Variants in TNIK observed in about 807,000 individuals in gnomAD.
TNIK encodes the protein TRAF2 and NCK-interacting protein kinase.
A neutral mutation model predicts 191.3 loss-of-function variants in TNIK; 49 were observed. The ratio of observed to expected loss-of-function variants is 0.26; its 90% CI spans 0.20 to 0.32. The LOEUF (loss-of-function observed/expected upper bound fraction) is 0.32. TNIK is among the 10% of genes least tolerant of loss of function. TNIK has a pLI of 1.00. For missense variants in TNIK, 1,155 were observed against 1,702.3 expected, an observed-to-expected ratio of 0.68 and a Z score of 5.66; for synonymous variants, 594 against 600.9, an observed-to-expected ratio of 0.99 and a Z score of 0.17.
intron 7 of TNIK, among the ~76,000 whole-genome samples, chr3:171,182,659 A>G (rs1027584525): frequency 6.6e-6 from 1 of 152,206 alleles, no homozygotes; most frequent in Non-Finnish European, 1.5e-5. Flanking sequence ...GCTGCTGGAA[A>G]GGGTGGGAGT....
At chr3:171,101,331 G>A (rs756269388) in intron 22 of TNIK, 118 bp downstream of exon 22, 4 of 1,190,380 alleles carry the variant, frequency 3.4e-6, no homozygotes, top group South Asian at 3.5e-5. Context: ...AGTCCCGAAA[G>A]TCAATTTATC....
At chr3:171,227,245 A>C (rs1743076569) in intron 3 of TNIK, among the ~76,000 whole-genome samples, 1 of 152,192 alleles carries the variant, frequency 6.6e-6, no homozygotes, top group South Asian at 2.1e-4. Context: ...TTAAAATAAA[A>C]TCTATTTCTT....
intron 2 of TNIK, among the ~76,000 whole-genome samples, chr3:171,329,353 A>G (rs1029076772): frequency 4.0e-5 from 5 of 125,770 alleles, no homozygotes; most frequent in African/African-American, 1.5e-4. Flanking sequence ...TCCCACTAAT[A>G]TATATCAAAA....
chr3:171,395,315 T>C (rs980613117), intron 1 of TNIK, among the ~76,000 whole-genome samples: 18 of 152,190 alleles, frequency 1.2e-4, no homozygotes, highest in African/African-American at 4.1e-4. Context: ...CCTTTTGTCA[T>C]CAGTAAAACA....
At chr3:171,328,406 C>T (rs912127535) in intron 2 of TNIK, among the ~76,000 whole-genome samples, 12 of 152,186 alleles carry the variant, frequency 7.9e-5, no homozygotes, top group Admixed American at 1.3e-4. Context: ...GATTCGCCTG[C>T]GTGGGGCTAC....
At chr3:171,333,792 C>A (rs138857164) in intron 2 of TNIK, among the ~76,000 whole-genome samples, 7 of 152,328 alleles carry the variant, frequency 4.6e-5, no homozygotes, top group East Asian at 3.9e-4. Context: ...AGATAGTAAC[C>A]TTTCCCTTTC....
intron 25 of TNIK, 127 bp from the exon 26 acceptor site, chr3:171,084,452 C>G: frequency 9.0e-7 from 1 of 1,113,124 alleles, no homozygotes; most frequent in Non-Finnish European, 1.3e-6. Flanking sequence ...AACTCTGAAA[C>G]TCTCCTTATT....
intron 1 of TNIK, among the ~76,000 whole-genome samples, chr3:171,421,645 C>T (rs868338641): frequency 2.6e-5 from 4 of 151,598 alleles, no homozygotes; most frequent in South Asian, 4.2e-4. Context: ...ATGCTAACCT[C>T]GGAGCCAGGC....
At chr3:171,286,435 G>T (rs143683678) in intron 2 of TNIK, among the ~76,000 whole-genome samples, 1 of 152,226 alleles carries the variant, frequency 6.6e-6, no homozygotes, top group Non-Finnish European at 1.5e-5. Flanking sequence ...AGTATATATT[G>T]TACAGCCTGG....
At chr3:171,441,010 G>T (rs550609360) in intron 1 of TNIK, among the ~76,000 whole-genome samples, 4 of 152,222 alleles carry the variant, frequency 2.6e-5, no homozygotes, top group African/African-American at 9.6e-5. Context: ...TATGACAAGC[G>T]CTTCAGAATA....
chr3:171,140,484 C>T lies in TNIK; in HGVS notation c.1247G>A (p.Arg416Gln), dbSNP rs775532630. 23 of 1,613,328 alleles carry T rather than the reference C, an allele frequency of 1.4e-5. No homozygotes were observed. The highest frequency in any genetic ancestry group is 1.9e-5 in the Non-Finnish European group (23 of 1,179,730). The change falls in exon 13 of 33, where the codon CGG becomes CAG. Residue 416 changes from arginine (R) to glutamine (Q), a missense_variant. Arg to Gln is a conservative substitution (Grantham distance 43). Transcript: ENST00000436636. ...EEQQRREKELRKQQEREQRRH... is the reference protein window; with the variant it reads ...EEQQRREKELQKQQEREQRRH... Reference sequence around the variant, plus strand: ...GCGCTGCTCCCTCTCCTGCTGCTTCCGCAGCTCCTTCTCTCGCCTTTGTTG... The same window carrying T: ...GCGCTGCTCCCTCTCCTGCTGCTTCTGCAGCTCCTTCTCTCGCCTTTGTTG...
chr3:171,336,183 C>A (rs975888170), intron 2 of TNIK, among the ~76,000 whole-genome samples: 1 of 152,144 alleles, frequency 6.6e-6, no homozygotes, highest in Non-Finnish European at 1.5e-5. Flanking sequence ...TCAAAACTAA[C>A]AAAATGGGTT....
At chr3:171,280,806 T>C (rs1215004879) in intron 2 of TNIK, among the ~76,000 whole-genome samples, 2 of 152,200 alleles carry the variant, frequency 1.3e-5, no homozygotes, top group African/African-American at 4.8e-5. Context: ...ACTATCCTGT[T>C]ACCATAAATC....
chr3:171,300,475 T>A (rs1442105167), intron 2 of TNIK, among the ~76,000 whole-genome samples: 2 of 152,144 alleles, frequency 1.3e-5, no homozygotes, highest in Non-Finnish European at 2.9e-5. Flanking sequence ...AAGGAGAACA[T>A]CCTTTCCTTA....
chr3:171,362,303 TG>T (rs928499678), intron 2 of TNIK, among the ~76,000 whole-genome samples: 1 of 152,194 alleles, frequency 6.6e-6, no homozygotes, highest in African/African-American at 2.4e-5. Context: ...TGTATTAGGT[TG>T]GCACAAAAGT....
intron 2 of TNIK, among the ~76,000 whole-genome samples, chr3:171,238,049 T>C (rs994743916): frequency 6.6e-6 from 1 of 152,154 alleles, no homozygotes; most frequent in African/African-American, 2.4e-5. Flanking sequence ...GCTGAAAATA[T>C]CTCTCCCCCT....
In TNIK at chr3:171,191,399, C is replaced by T. The variant is rs547327444; in HGVS notation, c.418-612G>A. 1.4e-4 allele frequency among the ~76,000 whole-genome samples: 21 copies of T among 152,206 alleles called. No individual in the cohort carries two copies. In the East Asian group the frequency reaches 3.7e-3, roughly 27 times the overall value. ...CTGGGATTACAGGTGCCTGCCACCA[C>T]GCCAGGCTAATTTATTTTAGTACAG... On this transcript the variant is annotated intron_variant, in intron 5 of 32. Coordinates refer to ENST00000436636, the MANE Select transcript of TNIK (RefSeq NM_015028.4).
At chr3:171,173,671 G>A (rs569893164) in intron 9 of TNIK, among the ~76,000 whole-genome samples, 1 of 152,250 alleles carries the variant, frequency 6.6e-6, no homozygotes, top group East Asian at 1.9e-4. Flanking sequence ...TAGTGTGACA[G>A]CCAAATACAT....
intron 1 of TNIK, among the ~76,000 whole-genome samples, chr3:171,410,114 T>A (rs1209410711): frequency 6.6e-6 from 1 of 152,164 alleles, no homozygotes; most frequent in Non-Finnish European, 1.5e-5. Context: ...AGAACTTTGA[T>A]AACATCAAAC....
Sources: gnomAD v4.1 joint callset for allele counts (sites outside exome capture counted in the v4.1 genomes callset) on GRCh38, gnomAD v4.1.1 for gene constraint, MANE v1.5 for transcripts, NCBI Gene and HGNC (gene_info 2026-07-23, HGNC 2026-07-21) for gene names.